The following PDZRN3 variants were observed in gnomAD, a reference collection of about 807,000 sequenced individuals.
PDZRN3 encodes the protein E3 ubiquitin-protein ligase PDZRN3.
A neutral mutation model predicts 85.7 loss-of-function variants in PDZRN3; 38 were observed. The ratio of observed to expected loss-of-function variants is 0.44; its 90% CI spans 0.34 to 0.58. PDZRN3 has a LOEUF of 0.58. Among genes scored for constraint, PDZRN3 ranks in the 20% least tolerant of loss-of-function variants. The pLI is 0.01. For synonymous variants in PDZRN3, 759 were observed against 638.0 expected (o/e 1.19, Z -2.86); for missense variants, 1,629 against 1,506.4 (o/e 1.08, Z -1.35).
At chr3:73,385,270 A>G (rs28436077) in intron 9 of PDZRN3, among the ~76,000 whole-genome samples, 1,682 of 152,340 alleles carry the variant, frequency 0.011, 36 homozygotes, top group African/African-American at 0.038. Context: ...TAAGGACTCA[A>G]TAAGTGGCTC....
intron 3 of PDZRN3, among the ~76,000 whole-genome samples, chr3:73,545,971 C>T (rs1025245722): frequency 2.6e-5 from 4 of 152,082 alleles, no homozygotes; most frequent in African/African-American, 9.7e-5. Flanking sequence ...TCTGCCACTC[C>T]CTTTTACTGC....
At position 73,383,764 on chromosome 3, in the gene PDZRN3, G is replaced by C. The variant is rs755224325; in HGVS notation, c.2802C>G (p.Thr934=). The part of the protein sequence containing the change: ...KIRSDGTRYI[T]KRPVRDRLLR... ...GCAGGCGGTCCCGCACGGGCCTCTT[G>C]GTGATGTAGCGCGTCCCGTCGCTGC... Residue 934 remains threonine, a synonymous_variant, in exon 10 of 10, where the codon ACC becomes ACG. Coordinates refer to ENST00000263666, the MANE Select transcript of PDZRN3 (RefSeq NM_015009.3). The C allele has an allele frequency of 6.2e-7, 1 of 1,612,990 alleles. No individual in the cohort carries two copies. The highest frequency in any genetic ancestry group is 1.1e-5 in the South Asian group (1 of 91,056).
chr3:73,459,194 C>G (rs1703051770), intron 3 of PDZRN3, among the ~76,000 whole-genome samples: 3 of 151,966 alleles, frequency 2.0e-5, no homozygotes, highest in African/African-American at 7.3e-5. Context: ...AACTCACTAT[C>G]ATAAGAACAG....
chr3:73,413,634 C>G (rs2106753889), intron 3 of PDZRN3, among the ~76,000 whole-genome samples: 1 of 152,244 alleles, frequency 6.6e-6, no homozygotes, highest in East Asian at 1.9e-4. Context: ...CCGAGCAGCA[C>G]AGCCGGCAGT....
intron 3 of PDZRN3, among the ~76,000 whole-genome samples, chr3:73,445,459 A>T (rs1706823182): frequency 6.6e-6 from 1 of 152,220 alleles, no homozygotes; most frequent in Admixed American, 6.5e-5. Context: ...AAAACAAAAC[A>T]AAACAAAACA....
chr3:73,528,394 T>G (rs1363813460), intron 3 of PDZRN3, among the ~76,000 whole-genome samples: 1 of 152,106 alleles, frequency 6.6e-6, no homozygotes, highest in Non-Finnish European at 1.5e-5. Flanking sequence ...TCAATAAAGA[T>G]TAGACAAATC....
intron 5 of PDZRN3, among the ~76,000 whole-genome samples, chr3:73,396,228 A>C (rs111675874): frequency 9.2e-5 from 14 of 152,290 alleles, no homozygotes; most frequent in African/African-American, 3.1e-4. Context: ...ACAAACAAAA[A>C]AAAAAGTAAA....
intron 1 of PDZRN3, among the ~76,000 whole-genome samples, chr3:73,619,734 G>A (rs56082019): frequency 0.14 from 21,738 of 152,136 alleles, 3,065 homozygotes; most frequent in African/African-American, 0.37. Context: ...GGTGGAAGCC[G>A]GTAGGATCCA....
In PDZRN3 at chr3:73,481,810, C is replaced by T. The variant is rs971387035; in HGVS notation, c.919-77415G>A. On this transcript the variant is annotated intron_variant, in intron 3 of 9. Transcript: ENST00000263666. ...ATTTTAAAAGTATAATGGACCTCAA[C>T]GATTATTCAATCATTTTATAGAAAA... Among the ~76,000 whole-genome samples the T allele has an allele frequency of 3.9e-5, 6 of 152,090 alleles. No homozygotes were observed. In the South Asian group the frequency reaches 1.2e-3, roughly 32 times the overall value.
intron 3 of PDZRN3, among the ~76,000 whole-genome samples, chr3:73,459,743 C>T (rs1010352790): frequency 4.6e-5 from 7 of 152,160 alleles, no homozygotes; most frequent in African/African-American, 1.2e-4. Flanking sequence ...TTTTCTTTAT[C>T]GAATCTGTCA....
chr3:73,443,092 G>GT (rs1306653795), intron 3 of PDZRN3, among the ~76,000 whole-genome samples: 1 of 152,164 alleles, frequency 6.6e-6, no homozygotes, highest in Non-Finnish European at 1.5e-5. Flanking sequence ...GGCCCAGTGG[G>GT]TGTCAGTGTC....
intron 6 of PDZRN3, 100 bp from the exon 7 acceptor site, chr3:73,389,978 CTG>C (rs1399259205): frequency 1.3e-5 from 11 of 859,068 alleles, no homozygotes; most frequent in South Asian, 4.1e-5. Flanking sequence ...ATGCTCACCC[CTG>C]TGTTTCTGTT....
intron 1 of PDZRN3, among the ~76,000 whole-genome samples, chr3:73,622,086 G>A (rs909630719): frequency 2.0e-5 from 3 of 152,164 alleles, no homozygotes; most frequent in Non-Finnish European, 2.9e-5. Context: ...GCAGAAACTC[G>A]GGAACTCCTT....
chr3:73,425,340 A>G (rs1158654256), intron 3 of PDZRN3, among the ~76,000 whole-genome samples: 1 of 152,060 alleles, frequency 6.6e-6, no homozygotes, highest in Non-Finnish European at 1.5e-5. Flanking sequence ...AGTCTTATAT[A>G]ATAATGATTA....
At chr3:73,492,166 T>G (rs1703782994) in intron 3 of PDZRN3, among the ~76,000 whole-genome samples, 2 of 152,134 alleles carry the variant, frequency 1.3e-5, no homozygotes, top group African/African-American at 4.8e-5. Flanking sequence ...CCAAACCAAT[T>G]TCAAGGGGCC....
At chr3:73,467,094 C>T (rs1350821803) in intron 3 of PDZRN3, among the ~76,000 whole-genome samples, 1 of 152,118 alleles carries the variant, frequency 6.6e-6, no homozygotes, top group Non-Finnish European at 1.5e-5. Context: ...CATCTGACCC[C>T]AGCTGCAGAG....
chr3:73,465,109 T>G (rs1450305398), intron 3 of PDZRN3, among the ~76,000 whole-genome samples: 1 of 152,182 alleles, frequency 6.6e-6, no homozygotes, highest in Non-Finnish European at 1.5e-5. Context: ...GAGTCTTAAT[T>G]ATGTTGGAAT....
chr3:73,391,129 AG>A lies in PDZRN3; in HGVS notation c.1255-14del, dbSNP rs779329484. 1 of 1,548,558 alleles carries A rather than the reference AG, an allele frequency of 6.5e-7. No homozygotes were observed. The highest frequency in any genetic ancestry group is 2.2e-5 in the East Asian group (1 of 44,560). ...AGAGGTCCACTTCCTAGACAAAGAA[AG>A]GCATTCCCAGTGAGACTCCAGCAGG... is the stretch of plus-strand genomic sequence containing the variant. On this transcript the variant is annotated splice_polypyrimidine_tract_variant and intron_variant, in intron 5 of 9. Transcript: ENST00000263666.
chr3:73,600,203 T>C (rs2106892796), intron 3 of PDZRN3, among the ~76,000 whole-genome samples: 1 of 151,996 alleles, frequency 6.6e-6, no homozygotes, highest in East Asian at 1.9e-4. Flanking sequence ...TTTGCAAGAA[T>C]TAAGGGTCTT....
Sources: allele counts gnomAD v4.1 joint callset (sites outside exome capture counted in the v4.1 genomes callset), GRCh38; gene constraint gnomAD v4.1.1; transcripts MANE v1.5; gene names NCBI Gene and HGNC (gene_info 2026-07-23, HGNC 2026-07-21).